The following NPR2 variants were observed in gnomAD, a reference collection of about 807,000 sequenced individuals.
NPR2 encodes natriuretic peptide receptor 2, also known as atrial natriuretic peptide receptor 2.
In NPR2, 49 loss-of-function variants were observed where a neutral mutation model predicts 120.7. That is an observed-to-expected ratio of 0.41 (90% CI 0.32 to 0.52). The LOEUF (loss-of-function observed/expected upper bound fraction) is 0.52, where lower values mean the gene tolerates loss of function less well. Ranked by LOEUF, NPR2 falls within the 20% of genes least tolerant of loss-of-function variation. The probability of loss-of-function intolerance (pLI) is 0.36; values close to 1 mark genes in which losing one functional copy is unlikely to be tolerated. For missense variants in NPR2, 931 were observed against 1,362.9 expected, an observed-to-expected ratio of 0.68 and a Z score of 4.99; for synonymous variants, 484 against 519.8, an observed-to-expected ratio of 0.93 and a Z score of 0.94.
Position 35,808,108 on chromosome 9 carries a change from C to T in NPR2, c.2713-401C>T. ...TTGGCACAATTACCAAAATCAAATG[C>T]CTGCTTTCCTCCTCTCTGACAGTTT... On this transcript the variant is annotated intron_variant, in intron 18 of 21. Coordinates refer to ENST00000342694, the MANE Select transcript of NPR2 (RefSeq NM_003995.4). The surrounding 1 kb of genome is among the most constrained non-coding windows in gnomAD (Gnocchi z 4.0). 1 of 1,205,236 alleles carries T rather than the reference C, an allele frequency of 8.3e-7. No homozygotes were observed. The highest frequency in any genetic ancestry group is 1.2e-6 in the Non-Finnish European group (1 of 813,318). The allele number at this position is 1,205,236 out of a possible 1,614,324, so 74.7% of individuals were successfully genotyped here.
rs372891937 is a variant in NPR2, at chr9:35,808,550, C to A, written c.2754C>A (p.Leu918=). ...ATGCTTACATGGTGGTATCTGGCCT[C>A]CCAGGCCGAAATGGTCAACGCCATG... ...IGDAYMVVSG[L]PGRNGQRHAP... Residue 918 remains leucine (L), a synonymous_variant, in exon 19 of 22, where the codon CTC becomes CTA. Transcript: ENST00000342694. This position sits in a 1 kb window ranked among gnomAD's most constrained non-coding sequence, Gnocchi z 4.0. 17 of 1,614,160 alleles carry A rather than the reference C, an allele frequency of 1.1e-5. No homozygotes were observed. Among genetic ancestry groups the A allele is most frequent in the Non-Finnish European group, 1.4e-5 (17 of 1,180,036 alleles).
rs567992526 is a variant in NPR2 at position 35,806,107 on chromosome 9, G to A, written c.2246G>A (p.Arg749Gln). ...CGAAATGGTCAGCGGCCATATTTCCGGCCAAGCATTGACCGGACCCAACTG... is the reference window on the plus strand; with the variant it reads ...CGAAATGGTCAGCGGCCATATTTCCAGCCAAGCATTGACCGGACCCAACTG... ...KVRNGQRPYF[R>Q]PSIDRTQLNE... Residue 749 changes from arginine to glutamine, a missense_variant, in exon 15 of 22, where the codon CGG (arginine) becomes CAG (glutamine). Around this residue, in one of 3 missense-constraint regions of NPR2, gnomAD observed 66 missense variants for 60.3 expected, o/e 1.09. Coordinates refer to ENST00000342694, the MANE Select transcript of NPR2 (RefSeq NM_003995.4). The surrounding 1 kb of genome is among the most constrained non-coding windows in gnomAD (Gnocchi z 4.6). The A allele has an allele frequency of 3.7e-6, 6 of 1,614,194 alleles. No homozygotes were observed. The highest frequency in any genetic ancestry group is 2.7e-5 in the African/African-American group (2 of 75,038).
intron 12 of NPR2, among the ~76,000 whole-genome samples, chr9:35,803,111 T>TATCTC (rs1588062493): frequency 7.3e-6 from 1 of 137,046 alleles, no homozygotes; most frequent in Admixed American, 7.1e-5. Flanking sequence ...TGAACATATT[T>TATCTC]TTTTTTTTTT....
chr9:35,799,824 GC>G (rs1828077189), intron 3 of NPR2, 93 bp downstream of exon 3: 2 of 1,408,662 alleles, frequency 1.4e-6, no homozygotes, highest in African/African-American at 2.8e-5. Context: ...TGTGGAGCAA[GC>G]CCAACTTTGG....
rs761266456 is a variant in NPR2 at position 35,808,236 on chromosome 9, A to G, written c.2713-273A>G. ...TTCCCATTTCCTGATGGCAGAGCCTATTTGTCCATGTCCTGCTGCAGACAG... is the reference window on the plus strand; with the variant it reads ...TTCCCATTTCCTGATGGCAGAGCCTGTTTGTCCATGTCCTGCTGCAGACAG... On this transcript the variant is annotated intron_variant, in intron 18 of 21. Transcript: ENST00000342694. This position sits in a 1 kb window ranked among gnomAD's most constrained non-coding sequence, Gnocchi z 4.0. 3.1e-6 allele frequency: 5 copies of G among 1,614,106 alleles called. No individual in the cohort carries two copies. In the East Asian group the frequency reaches 6.7e-5, roughly 22 times the overall value.
chr9:35,800,779 G>T lies in NPR2; in HGVS notation c.1289G>T (p.Gly430Val). Residue 430 changes from glycine (G) to valine (V), a missense_variant, in exon 6 of 22, where the codon GGG becomes GTG. Physicochemically the swap from Gly to Val is moderately radical, Grantham distance 109. Transcript: ENST00000342694. This position sits in a 1 kb window ranked among gnomAD's most constrained non-coding sequence, Gnocchi z 4.7. The stretch of plus-strand genomic sequence containing the variant: ...GGACGGCCTATTCCCTGGGTGAAGG[G>T]GGCTCCTCCCTCGGACAATCCCCCC... Reference protein sequence around the residue: ...WTGRPIPWVKGAPPSDNPPCA... With the variant: ...WTGRPIPWVKVAPPSDNPPCA... 1 of 1,614,112 alleles carries T rather than the reference G, an allele frequency of 6.2e-7. No homozygotes were observed. Among genetic ancestry groups the T allele is most frequent in the Non-Finnish European group, 8.5e-7 (1 of 1,180,020 alleles).
rs1380902307 is a variant in NPR2, at chr9:35,800,117, A to G, written c.1083A>G (p.Gly361=). 2 of 1,614,050 alleles carry G rather than the reference A, an allele frequency of 1.2e-6. No homozygotes were observed. Among genetic ancestry groups the G allele is most frequent in the Non-Finnish European group, 8.5e-7 (1 of 1,179,902 alleles). Residue 361 remains glycine, a synonymous_variant, in exon 4 of 22, where the codon GGA becomes GGG. Transcript: ENST00000342694. The surrounding 1 kb of genome is among the most constrained non-coding windows in gnomAD (Gnocchi z 4.7). ...TIQEGGTRED[G]LRIVEKMQGR... is the part of the protein sequence containing the mutation. ...AGGAAGGAGGCACCCGGGAGGATGGACTTCGAATTGTGGAAAAGATGCAGG... is the reference window on the plus strand; with the variant it reads ...AGGAAGGAGGCACCCGGGAGGATGGGCTTCGAATTGTGGAAAAGATGCAGG...
rs1828135776 is a variant in NPR2, at chr9:35,801,080, A to C, written c.1362A>C (p.Ser454=). The C allele has an allele frequency of 6.2e-7, 1 of 1,613,820 alleles. No individual in the cohort carries two copies. The highest frequency in any genetic ancestry group is 8.5e-7 in the Non-Finnish European group (1 of 1,179,756). ...DDPSCDKTPL[S]TLAIVALGTG... Reference sequence around the variant, plus strand: ...CTATTTCCCCTTCAGCTCCACTTTCAACCCTGGCAATTGTGGCTCTGGGCA... The same window carrying C: ...CTATTTCCCCTTCAGCTCCACTTTCCACCCTGGCAATTGTGGCTCTGGGCA... The change falls in exon 7 of 22, where the codon TCA becomes TCC. Residue 454 remains serine (S), a synonymous_variant. Coordinates refer to ENST00000342694, the MANE Select transcript of NPR2 (RefSeq NM_003995.4).
Position 35,791,951 on chromosome 9 carries a change from T to G in NPR2, c.-458T>G, listed in dbSNP as rs1427576109. ...CGGGCACCCTCCCACCTTACCCCCTTGGTCCTATGTGGCGCAGCGCCCTCC... is the reference window on the plus strand; with the variant it reads ...CGGGCACCCTCCCACCTTACCCCCTGGGTCCTATGTGGCGCAGCGCCCTCC... On this transcript the variant is annotated 5_prime_UTR_variant, in exon 1 of 22. Coordinates refer to ENST00000342694, the MANE Select transcript of NPR2 (RefSeq NM_003995.4). 6.6e-6 allele frequency among the ~76,000 whole-genome samples: 1 copy of G among 151,766 alleles called. No individual in the cohort carries two copies. Among genetic ancestry groups the G allele is most frequent in the Non-Finnish European group, 1.5e-5 (1 of 67,892 alleles).
In NPR2 at chr9:35,793,219, A is replaced by C. The variant is rs958310405; in HGVS notation, c.667+144A>C. On this transcript the variant is annotated intron_variant, in intron 1 of 21. Coordinates refer to ENST00000342694, the MANE Select transcript of NPR2 (RefSeq NM_003995.4). Reference sequence around the variant, plus strand: ...ATCAAGAAGCACACGTGGACAGAGCACCTGTGAGAGGGCCAAGGCTTCATC... The same window carrying C: ...ATCAAGAAGCACACGTGGACAGAGCCCCTGTGAGAGGGCCAAGGCTTCATC... The C allele has an allele frequency of 8.9e-6, 8 of 896,096 alleles. No individual in the cohort carries two copies. In the African/African-American group the frequency reaches 1.2e-4, roughly 13 times the overall value. The allele number at this position is 896,096 out of a possible 1,614,324, so 55.5% of individuals were successfully genotyped here.
chr9:35,806,965 T>A lies in NPR2; in HGVS notation c.2520-58T>A. On this transcript the variant is annotated intron_variant, in intron 16 of 21. Coordinates refer to ENST00000342694, the MANE Select transcript of NPR2 (RefSeq NM_003995.4). The surrounding 1 kb of genome is among the most constrained non-coding windows in gnomAD (Gnocchi z 4.6). ...CTGCTGCAGCCACATACACTTTCCC[T>A]CTCTCTTCCACTCCTGCTCTCTTGG... 6.3e-7 allele frequency: 1 copy of A among 1,598,950 alleles called. No individual in the cohort carries two copies. The highest frequency in any genetic ancestry group is 8.6e-7 in the Non-Finnish European group (1 of 1,167,188).
In NPR2 at chr9:35,807,404, AGCTGGGGCC is replaced by A. The variant is rs58759471; in HGVS notation, c.2712+11_2712+19del. On this transcript the variant is annotated splice_region_variant and intron_variant, in intron 18 of 21. Coordinates refer to ENST00000342694, the MANE Select transcript of NPR2 (RefSeq NM_003995.4). ...ACAACTTTGATGTCTACAAGGTGAG[AGCTGGGGCC>A]GCTGTTCAATAGAAGACCCTTTAAT... 282,328 of 1,594,554 alleles carry A rather than the reference AGCTGGGGCC, an allele frequency of 0.18. 26,542 individuals carry two copies. The highest frequency in any genetic ancestry group is 0.27 in the East Asian group (11,913 of 44,750).
chr9:35,801,795 C>T (rs1828175318), intron 8 of NPR2, 32 bp downstream of exon 8: 1 of 1,614,084 alleles, frequency 6.2e-7, no homozygotes, highest in Non-Finnish European at 8.5e-7. Context: ...TCCTCTGCCT[C>T]CCTCTGAGTT....
chr9:35,798,988 T>C (rs936159581), intron 2 of NPR2, among the ~76,000 whole-genome samples: 2 of 152,234 alleles, frequency 1.3e-5, no homozygotes, highest in African/African-American at 4.8e-5. Flanking sequence ...TGGTAGGTGT[T>C]CCACACATTA....
Position 35,802,653 on chromosome 9 carries a change from A to G in NPR2, c.1815+46A>G. ...ATTATGGCAGGGGTGGGAAGGATAG[A>G]CCCAAAGTTATACTGACTCTATGCT... On this transcript the variant is annotated intron_variant, in intron 11 of 21. Coordinates refer to ENST00000342694, the MANE Select transcript of NPR2 (RefSeq NM_003995.4). This position sits in a 1 kb window ranked among gnomAD's most constrained non-coding sequence, Gnocchi z 4.2. 4.7e-6 allele frequency: 7 copies of G among 1,484,736 alleles called. No homozygotes were observed. Among genetic ancestry groups the G allele is most frequent in the Non-Finnish European group, 6.6e-6 (7 of 1,062,178 alleles). 92.0% of individuals were successfully genotyped at this position (1,484,736 alleles called of 1,614,324 possible).
At position 35,792,591 on chromosome 9, in the gene NPR2, C is replaced by G; in HGVS notation, c.183C>G (p.Pro61=). 6.2e-7 allele frequency: 1 copy of G among 1,613,364 alleles called. No homozygotes were observed. The highest frequency in any genetic ancestry group is 8.5e-7 in the Non-Finnish European group (1 of 1,180,016). ...LAVEALGRAL[P]VDLRFVSSEL... is the part of the protein sequence containing the mutation. Reference sequence around the variant, plus strand: ...TGGAGGCTCTGGGCCGGGCACTGCCCGTGGACCTGCGGTTTGTCAGCTCCG... The same window carrying G: ...TGGAGGCTCTGGGCCGGGCACTGCCGGTGGACCTGCGGTTTGTCAGCTCCG... The change falls in exon 1 of 22, where the codon CCC becomes CCG. Residue 61 remains proline (P), a synonymous_variant. Transcript: ENST00000342694.
chr9:35,793,146 G>T, intron 1 of NPR2, 71 bp downstream of exon 1: 1 of 1,446,354 alleles, frequency 6.9e-7, no homozygotes, highest in South Asian at 1.3e-5. Flanking sequence ...CAGCACTGGG[G>T]AACTGTAGAT....
In NPR2 at chr9:35,809,349, A is replaced by G. The variant is rs1393508889; in HGVS notation, c.3079-31A>G. 6.2e-7 allele frequency: 1 copy of G among 1,613,724 alleles called. No individual in the cohort carries two copies. The highest frequency in any genetic ancestry group is 1.1e-5 in the South Asian group (1 of 91,064). ...GAGACAAAGGGACTAACATCGAAGCATCTGAATCATGTCCACTCTCCCACT... is the reference window on the plus strand; with the variant it reads ...GAGACAAAGGGACTAACATCGAAGCGTCTGAATCATGTCCACTCTCCCACT... On this transcript the variant is annotated intron_variant, in intron 21 of 21. Transcript: ENST00000342694. This position sits in a 1 kb window ranked among gnomAD's most constrained non-coding sequence, Gnocchi z 4.1.
Position 35,793,073 on chromosome 9 carries a change from G to A in NPR2, c.665G>A (p.Arg222His), listed in dbSNP as rs1233051153. The A allele has an allele frequency of 9.4e-6, 15 of 1,592,150 alleles. No individual in the cohort carries two copies. Among genetic ancestry groups the A allele is most frequent in the Non-Finnish European group, 1.3e-5 (15 of 1,171,992 alleles). Residue 222 changes from arginine to histidine, a missense_variant and splice_region_variant, in exon 1 of 22, where the codon CGC becomes CAC. By Grantham distance (29) the Arg-to-His change is conservative. Around this residue, in one of 3 missense-constraint regions of NPR2, gnomAD observed 681 missense variants for 974.3 expected, o/e 0.70. Transcript: ENST00000342694. ...ACCCACTTCATCCGGGCCAACGGGC[G>A]CAGTGAGTGTGGCCTGGGCTATTTT... ...QATHFIRANG[R>H]IVYICGPLEM...
Sources: allele counts gnomAD v4.1 joint callset (sites outside exome capture counted in the v4.1 genomes callset), GRCh38; gene constraint gnomAD v4.1.1; regional missense constraint gnomAD v4.1.1; non-coding constraint Gnocchi (gnomAD v3.1); transcripts MANE v1.5; gene names NCBI Gene and HGNC (gene_info 2026-07-23, HGNC 2026-07-21).